Variants in C4orf51 observed in about 807,000 individuals in gnomAD.
C4orf51 encodes the protein uncharacterized protein C4orf51.
In C4orf51, 25 loss-of-function variants were observed where a neutral mutation model predicts 25.2. That is an observed-to-expected ratio of 0.99 (90% CI 0.72 to 1.39). C4orf51 has a LOEUF of 1.39. Among genes scored for constraint, C4orf51 ranks in the 40% most tolerant of loss-of-function variants. C4orf51 has a pLI of 0.00. For missense variants in C4orf51, 252 were observed against 239.6 expected (o/e 1.05, Z -0.34); for synonymous variants, 100 against 84.5 (o/e 1.18, Z -1.01).
At chr4:145,747,794 C>A (rs1733453223) in intron 1 of C4orf51, among the ~76,000 whole-genome samples, 1 of 149,952 alleles carries the variant, frequency 6.7e-6, no homozygotes. Flanking sequence ...TCCTTCCCTC[C>A]TTCCTTCCTT....
intron 2 of C4orf51, among the ~76,000 whole-genome samples, chr4:145,702,470 C>A (rs550916405): frequency 9.9e-5 from 15 of 152,246 alleles, no homozygotes; most frequent in African/African-American, 3.6e-4. Context: ...TCACAGACAG[C>A]CCCCATTACT....
At chr4:145,742,663 C>T (rs1421370927) in intron 1 of C4orf51, among the ~76,000 whole-genome samples, 1 of 151,656 alleles carries the variant, frequency 6.6e-6, no homozygotes, top group Non-Finnish European at 1.5e-5. Context: ...CCTCAGCCTC[C>T]TGAGTAGCTG....
chr4:145,698,402 A>G (rs1367420733), intron 2 of C4orf51, among the ~76,000 whole-genome samples: 2 of 152,238 alleles, frequency 1.3e-5, no homozygotes, highest in Admixed American at 1.3e-4. Context: ...CCAGAAAGGC[A>G]GGACAACTCA....
At chr4:145,781,764 G>A in the C4orf51 span, among the ~76,000 whole-genome samples, 3 of 152,206 alleles carry the variant, frequency 2.0e-5, no homozygotes, top group African/African-American at 7.2e-5. Context: ...CTCCTTTTAA[G>A]TGTATAATCA....
At chr4:145,760,779 TCAGA>T in intron 1 of C4orf51, 1 of 1,132,680 alleles carries the variant, frequency 8.8e-7, no homozygotes, top group Non-Finnish European at 1.1e-6. Flanking sequence ...ATGGCTGCCC[TCAGA>T]CAGTCTCTGC....
At chr4:145,772,362 T>TC (rs942604742), downstream of C4orf51, among the ~76,000 whole-genome samples, 11 of 152,310 alleles carry the variant, frequency 7.2e-5, no homozygotes, top group Admixed American at 7.2e-4. Context: ...TTTGCAATAG[T>TC]CCAACTTACT....
At chr4:145,693,751 C>T (rs1162302652) in intron 1 of C4orf51, among the ~76,000 whole-genome samples, 1 of 103,144 alleles carries the variant, frequency 9.7e-6, no homozygotes, top group East Asian at 3.1e-4. Context: ...GGCGGCTGGC[C>T]GGGCAGAGGG....
chr4:145,790,251 A>G, the C4orf51 span, among the ~76,000 whole-genome samples: 1 of 152,220 alleles, frequency 6.6e-6, no homozygotes, highest in Non-Finnish European at 1.5e-5. Context: ...GTTTGGGCAG[A>G]TATAAGAATT....
At chr4:145,691,397 G>T (rs1333110442) in intron 1 of C4orf51, among the ~76,000 whole-genome samples, 2 of 152,152 alleles carry the variant, frequency 1.3e-5, no homozygotes, top group Admixed American at 6.5e-5. Context: ...ATTTCTCAAA[G>T]AACTAAATAT....
At chr4:145,786,083 C>A in the C4orf51 span, among the ~76,000 whole-genome samples, 4 of 152,168 alleles carry the variant, frequency 2.6e-5, no homozygotes, top group African/African-American at 7.2e-5. Flanking sequence ...TTCCCTTGAA[C>A]CTTTCATTGC....
the C4orf51 span, among the ~76,000 whole-genome samples, chr4:145,790,284 T>C: frequency 6.6e-6 from 1 of 152,202 alleles, no homozygotes; most frequent in African/African-American, 2.4e-5. Flanking sequence ...TTGTTTGTCA[T>C]TGAACTAGGT....
At chr4:145,729,516 T>C (rs540723969) in intron 4 of C4orf51, among the ~76,000 whole-genome samples, 8 of 152,178 alleles carry the variant, frequency 5.3e-5, no homozygotes, top group East Asian at 1.9e-4. Flanking sequence ...TTAGCCAGGA[T>C]GGTCTCGATC....
the C4orf51 span, chr4:145,779,647 G>T: frequency 8.1e-7 from 1 of 1,230,022 alleles, no homozygotes; most frequent in Non-Finnish European, 1.1e-6. Flanking sequence ...TCCGTAACTG[G>T]TTTTCCTGCT....
intron 1 of C4orf51, chr4:145,760,727 T>G (rs1734358976): frequency 4.9e-6 from 5 of 1,024,722 alleles, no homozygotes; most frequent in African/African-American, 1.7e-5. Flanking sequence ...GTGGTTTTTT[T>G]TTTTTTTTTT....
downstream of C4orf51, chr4:145,774,727 T>A (rs952262918): frequency 6.4e-6 from 10 of 1,568,728 alleles, no homozygotes; most frequent in African/African-American, 1.3e-4. Context: ...CACATACTTC[T>A]AAATGTAGGC....
chr4:145,773,084 G>A (rs1052470485), downstream of C4orf51, among the ~76,000 whole-genome samples: 3 of 152,136 alleles, frequency 2.0e-5, no homozygotes, highest in Non-Finnish European at 4.4e-5. Context: ...AGTAAAGAGG[G>A]TTAGAACAAA....
chr4:145,690,100 G>C (rs1210542340), intron 1 of C4orf51, among the ~76,000 whole-genome samples: 1 of 151,876 alleles, frequency 6.6e-6, no homozygotes, highest in Non-Finnish European at 1.5e-5. Flanking sequence ...CCAGCTACTC[G>C]GGAGGCTGAG....
intron 5 of C4orf51, among the ~76,000 whole-genome samples, chr4:145,731,650 T>C (rs1462064566): frequency 3.1e-5 from 4 of 127,516 alleles, no homozygotes; most frequent in South Asian, 2.6e-4. Flanking sequence ...GGCGTGATCT[T>C]GGCTCACTGC....
At chr4:145,704,040 T>A (rs1201280908) in intron 2 of C4orf51, among the ~76,000 whole-genome samples, 1 of 152,128 alleles carries the variant, frequency 6.6e-6, no homozygotes, top group Admixed American at 6.5e-5. Flanking sequence ...GAGGCCACAG[T>A]AAAGAATGCA....
Sources: allele counts gnomAD v4.1 joint callset (sites outside exome capture counted in the v4.1 genomes callset), GRCh38; gene constraint gnomAD v4.1.1; transcripts MANE v1.5; gene names NCBI Gene and HGNC (gene_info 2026-07-23, HGNC 2026-07-21).